The following NDUFAF6 variants were observed in gnomAD, a reference collection of about 807,000 sequenced individuals.
NDUFAF6 encodes the protein NADH dehydrogenase (ubiquinone) complex I, assembly factor 6.
A neutral mutation model predicts 40.8 loss-of-function variants in NDUFAF6; 45 were observed. The observed-to-expected ratio is 1.10, with a 90% CI of 0.87 to 1.42. NDUFAF6 has a LOEUF of 1.42. Among genes scored for constraint, NDUFAF6 ranks in the 40% most tolerant of loss-of-function variants. NDUFAF6 has a pLI of 0.00. For missense variants in NDUFAF6, 435 were observed against 418.5 expected, an observed-to-expected ratio of 1.04 and a Z score of -0.34; for synonymous variants, 185 against 155.9, an observed-to-expected ratio of 1.19 and a Z score of -1.39.
upstream of NDUFAF6, among the ~76,000 whole-genome samples, chr8:95,099,090 A>G (rs570349945): frequency 6.6e-5 from 10 of 152,186 alleles, no homozygotes; most frequent in East Asian, 1.7e-3. Flanking sequence ...CAAATAAAAA[A>G]TTAGCTGGGC....
chr8:95,110,183 T>A (rs1809958617), intron 4 of NDUFAF6, among the ~76,000 whole-genome samples: 1 of 151,616 alleles, frequency 6.6e-6, no homozygotes, highest in Admixed American at 6.6e-5. Flanking sequence ...TACTTTAGTT[T>A]GGAGTCACAG....
chr8:95,021,678 C>T (rs1827697661), upstream of NDUFAF6, among the ~76,000 whole-genome samples: 1 of 152,224 alleles, frequency 6.6e-6, no homozygotes, highest in South Asian at 2.1e-4. Flanking sequence ...CATTAAGGGA[C>T]AGCATCTTTT....
rs1450097987 is a variant in NDUFAF6, at chr8:95,058,310, T to C, written c.*373T>C. On this transcript the variant is annotated 3_prime_UTR_variant, in exon 9 of 9. Coordinates refer to ENST00000396124, the MANE Select transcript of NDUFAF6 (RefSeq NM_152416.4). ...GAAGGAAAGGGGAAAGGGCTCAAGT[T>C]ATCATAGGGGCTTACATGCTGAGCA... 1 of 1,277,996 alleles carries C rather than the reference T, an allele frequency of 7.8e-7. No homozygotes were observed. The allele number at this position is 1,277,996 out of a possible 1,614,324, so 79.2% of individuals were successfully genotyped here. A position where few individuals can be genotyped will look rare whatever the true frequency, so the allele number is the denominator to read the frequency against.
At chr8:95,115,853 G>A (rs1487896362) in intron 5 of NDUFAF6, 1 of 152,232 alleles carries the variant, frequency 6.6e-6, no homozygotes, top group African/African-American at 2.4e-5. Flanking sequence ...AATGACACAT[G>A]TCCGCCGGGC....
chr8:94,948,985 G>T (rs1011589389), intron 2 of NDUFAF6, among the ~76,000 whole-genome samples: 9 of 150,118 alleles, frequency 6.0e-5, no homozygotes, highest in Non-Finnish European at 1.0e-4. Context: ...GGCCGGGCCC[G>T]GCGGCGGCGA....
At chr8:95,118,087 A>G (rs752249077), downstream of NDUFAF6, among the ~76,000 whole-genome samples, 1 of 152,218 alleles carries the variant, frequency 6.6e-6, no homozygotes, top group Non-Finnish European at 1.5e-5. Context: ...CTGGATCTCC[A>G]AAGTGGCTCA....
intron 1 of NDUFAF6, chr8:94,930,186 G>T: frequency 3.3e-6 from 1 of 301,072 alleles, no homozygotes; most frequent in Non-Finnish European, 6.1e-6. Context: ...TTAAAATGCT[G>T]ACTAATGTAT....
At chr8:95,075,790 T>A in exon 10 of NDUFAF6, 1 of 944,970 alleles carries the variant, frequency 1.1e-6, no homozygotes, top group Non-Finnish European at 1.5e-6. Flanking sequence ...TAACTAGCTC[T>A]AGGCCAATCT....
At chr8:94,928,364 C>T (rs896939238) in intron 1 of NDUFAF6, 6 of 152,196 alleles carry the variant, frequency 3.9e-5, no homozygotes, top group Non-Finnish European at 5.9e-5. Context: ...AAAGAGACGC[C>T]GTGTATTCAG....
At chr8:95,009,339 C>T (rs1205218348) in intron 2 of NDUFAF6, among the ~76,000 whole-genome samples, 1 of 147,802 alleles carries the variant, frequency 6.8e-6, no homozygotes, top group Non-Finnish European at 1.5e-5. Flanking sequence ...ATATCACTCA[C>T]TCACATAATT....
At chr8:94,916,137 T>TG (rs1819108440) in intron 1 of NDUFAF6, among the ~76,000 whole-genome samples, 2 of 152,278 alleles carry the variant, frequency 1.3e-5, no homozygotes, top group South Asian at 4.1e-4. Flanking sequence ...GTTGGGTAGC[T>TG]GGGGGAAGTA....
intron 8 of NDUFAF6, among the ~76,000 whole-genome samples, chr8:95,056,012 A>G (rs1832074807): frequency 6.6e-6 from 1 of 152,092 alleles, no homozygotes; most frequent in Admixed American, 6.6e-5. Flanking sequence ...ATCATTTTAT[A>G]TATTCCTGAA....
At chr8:95,090,211 C>A (rs1241163883) in intron 2 of NDUFAF6, among the ~76,000 whole-genome samples, 1 of 152,320 alleles carries the variant, frequency 6.6e-6, no homozygotes, top group Admixed American at 6.5e-5. Flanking sequence ...ACAGCTGCCT[C>A]TGTGCACAGG....
chr8:94,941,578 T>G (rs1041989741), intron 1 of NDUFAF6, among the ~76,000 whole-genome samples: 3 of 152,236 alleles, frequency 2.0e-5, no homozygotes, highest in South Asian at 2.1e-4. Flanking sequence ...TTAAAATCTG[T>G]AAGCCCAGCA....
chr8:95,040,153 A>G (rs1301801419), intron 3 of NDUFAF6, among the ~76,000 whole-genome samples: 2 of 151,986 alleles, frequency 1.3e-5, no homozygotes, highest in Non-Finnish European at 2.9e-5. Flanking sequence ...TGACATGTAT[A>G]TTTTTGAAGA....
chr8:94,977,947 C>G (rs1361535455), intron 1 of NDUFAF6, among the ~76,000 whole-genome samples: 2 of 152,192 alleles, frequency 1.3e-5, no homozygotes, highest in South Asian at 2.1e-4. Context: ...CTCCTAAAAC[C>G]CTTGTAATTT....
chr8:94,912,024 A>G (rs1336920365), intron 1 of NDUFAF6, among the ~76,000 whole-genome samples: 7 of 152,228 alleles, frequency 4.6e-5, no homozygotes, highest in Non-Finnish European at 8.8e-5. Flanking sequence ...TAATCTTGCA[A>G]AGGCTCTTAG....
Position 95,025,053 on chromosome 8 carries a change from T to C in NDUFAF6, c.45T>C (p.Leu15=). Residue 15 remains leucine, a synonymous_variant, in exon 1 of 9, where the codon CTT becomes CTC. Transcript: ENST00000396124. ...AHGSVWGPLR[L]GIPGLCCRRP... ...GCTCTGTCTGGGGGCCGTTGCGGCT[T>C]GGCATCCCCGGCCTGTGCTGCCGCC... The C allele has an allele frequency of 7.0e-7, 1 of 1,420,130 alleles. No homozygotes were observed. Among genetic ancestry groups the C allele is most frequent in the African/African-American group, 1.5e-5 (1 of 66,982 alleles). 88.0% of individuals were successfully genotyped at this position (1,420,130 alleles called of 1,614,324 possible). A position where few individuals can be genotyped will look rare whatever the true frequency, so the allele number is the denominator to read the frequency against.
rs140723445 is a variant in NDUFAF6 at position 94,905,208 on chromosome 8, T to A, written c.-936+9281T>A. On this transcript the variant is annotated intron_variant, in intron 1 of 14. Coordinates refer to the NDUFAF6 transcript ENST00000396113. ...GAGACTATGTCTCAAGAAAAAAAAATTTTTTTCTTCTTCTTTGTGGCAGGA... is the reference window on the plus strand; with the variant it reads ...GAGACTATGTCTCAAGAAAAAAAAAATTTTTTCTTCTTCTTTGTGGCAGGA... Among the ~76,000 whole-genome samples the A allele has an allele frequency of 1.8e-3, 277 of 151,550 alleles. 1 individual carries two copies. Among genetic ancestry groups the A allele is most frequent in the African/African-American group, 1.5e-3 (62 of 41,324 alleles).
Sources: gnomAD v4.1 joint callset for allele counts (sites outside exome capture counted in the v4.1 genomes callset) on GRCh38, gnomAD v4.1.1 for gene constraint, MANE v1.5 for transcripts, NCBI Gene and HGNC (gene_info 2026-07-23, HGNC 2026-07-21) for gene names.